EEIG1: variants seen among roughly 807,000 people sequenced by gnomAD.
The protein encoded by EEIG1 is estrogen-induced osteoclastogenesis regulator 1, also known as early estrogen-induced gene 1 protein.
chr9:127,947,116 C>T, the EEIG1 span, among the ~76,000 whole-genome samples: 1 of 152,042 alleles, frequency 6.6e-6, no homozygotes, highest in African/African-American at 2.4e-5. Context: ...TTAATAAAAA[C>T]AGAGTGCCCA....
At chr9:127,953,552 C>T in the EEIG1 span, 1 of 1,612,394 alleles carries the variant, frequency 6.2e-7, no homozygotes, top group Non-Finnish European at 8.5e-7. Context: ...CATCCCACTG[C>T]CCCTTCACAC....
the EEIG1 span, among the ~76,000 whole-genome samples, chr9:127,964,297 C>G: frequency 6.6e-6 from 1 of 152,234 alleles, no homozygotes; most frequent in Admixed American, 6.5e-5. Flanking sequence ...TCTGTGGTCC[C>G]GAGGTCAGTT....
the EEIG1 span, chr9:127,953,733 T>A: frequency 1.9e-6 from 3 of 1,612,088 alleles, no homozygotes; most frequent in Non-Finnish European, 2.5e-6. Context: ...CATTTTCAGC[T>A]GGGGGTGCGG....
At chr9:127,943,561 G>A in the EEIG1 span, 10 of 365,166 alleles carry the variant, frequency 2.7e-5, no homozygotes, top group South Asian at 1.9e-4. Flanking sequence ...GGATGTGAGG[G>A]TGACCAAGAG....
chr9:127,976,579 TGCA>T, the EEIG1 span, among the ~76,000 whole-genome samples: 1 of 152,090 alleles, frequency 6.6e-6, no homozygotes, highest in East Asian at 1.9e-4. The surrounding 1 kb of genome is among the most constrained non-coding windows in gnomAD (Gnocchi z 4.1). Context: ...TGGCACAGAG[TGCA>T]GGAGCTCAGA....
chr9:127,957,316 C>A, the EEIG1 span, among the ~76,000 whole-genome samples: 9 of 150,106 alleles, frequency 6.0e-5, no homozygotes, highest in Admixed American at 2.6e-4. Context: ...AAAATCAATT[C>A]TTTCTATATA....
chr9:127,944,724 G>T, the EEIG1 span: 18 of 1,612,006 alleles, frequency 1.1e-5, no homozygotes, highest in Middle Eastern at 3.3e-4. Flanking sequence ...GAGCGCGGCA[G>T]GGCCAGCCCT....
the EEIG1 span, among the ~76,000 whole-genome samples, chr9:127,978,906 A>T: frequency 6.6e-6 from 1 of 152,142 alleles, no homozygotes; most frequent in Non-Finnish European, 1.5e-5. Context: ...AATCCCAGCT[A>T]TTCAGGAGAC....
the EEIG1 span, among the ~76,000 whole-genome samples, chr9:127,958,631 C>T: frequency 1.3e-5 from 2 of 151,902 alleles, no homozygotes; most frequent in South Asian, 2.1e-4. Flanking sequence ...CACCACTGCA[C>T]CCCAGCCTGG....
At chr9:127,951,993 A>G in the EEIG1 span, among the ~76,000 whole-genome samples, 3 of 152,294 alleles carry the variant, frequency 2.0e-5, no homozygotes, top group African/African-American at 7.2e-5. Flanking sequence ...TAAAGCCTGC[A>G]GTGGGAGTTC....
chr9:127,965,881 G>A, the EEIG1 span, among the ~76,000 whole-genome samples: 1 of 152,248 alleles, frequency 6.6e-6, no homozygotes, highest in African/African-American at 2.4e-5. Flanking sequence ...AGGGGTTCAG[G>A]GGGAGCAGCT....
At chr9:127,947,297 A>G in the EEIG1 span, among the ~76,000 whole-genome samples, 2 of 148,728 alleles carry the variant, frequency 1.3e-5, no homozygotes, top group African/African-American at 4.9e-5. Context: ...ATATCTGGGC[A>G]TGGTGGCGCT....
chr9:127,964,308 C>T, the EEIG1 span, among the ~76,000 whole-genome samples: 139 of 152,328 alleles, frequency 9.1e-4, 1 homozygote, highest in East Asian at 0.014. Flanking sequence ...GAGGTCAGTT[C>T]GCTGCCACAT....
chr9:127,975,323 C>T, the EEIG1 span, among the ~76,000 whole-genome samples: 2 of 152,138 alleles, frequency 1.3e-5, no homozygotes, highest in East Asian at 3.9e-4. Flanking sequence ...GGCGGCCACG[C>T]GCCCACCAAA....
the EEIG1 span, chr9:127,942,756 C>T: frequency 1.5e-5 from 3 of 206,282 alleles, no homozygotes; most frequent in Admixed American, 1.1e-4. Flanking sequence ...GCTGCTAAGA[C>T]GTGACCAAAG....
At chr9:127,967,831 G>A in the EEIG1 span, among the ~76,000 whole-genome samples, 6 of 152,144 alleles carry the variant, frequency 3.9e-5, no homozygotes, top group African/African-American at 1.2e-4. Context: ...TGCTGAATGG[G>A]GGCAGGGACT....
the EEIG1 span, among the ~76,000 whole-genome samples, chr9:127,969,552 T>A: frequency 6.6e-6 from 1 of 152,116 alleles, no homozygotes; most frequent in African/African-American, 2.4e-5. Context: ...GACCTCATTA[T>A]CCCATTTCAC....
chr9:127,965,674 G>A, the EEIG1 span, among the ~76,000 whole-genome samples: 2 of 152,190 alleles, frequency 1.3e-5, no homozygotes, highest in African/African-American at 2.4e-5. Flanking sequence ...CAGAGTTCCC[G>A]GCTGATGAAA....
the EEIG1 span, chr9:127,943,255 G>A: frequency 1.4e-5 from 22 of 1,613,750 alleles, no homozygotes; most frequent in Middle Eastern, 3.3e-4. Context: ...TGAGAGACAG[G>A]TCAGCATGTC....
Sources: allele counts gnomAD v4.1 joint callset (sites outside exome capture counted in the v4.1 genomes callset), GRCh38; gene constraint gnomAD v4.1.1; non-coding constraint Gnocchi (gnomAD v3.1); transcripts MANE v1.5; gene names NCBI Gene and HGNC (gene_info 2026-07-23, HGNC 2026-07-21).